Variants in ATXN2 observed in about 807,000 individuals in gnomAD.
ATXN2 encodes the protein ataxin-2.
In ATXN2, 37 loss-of-function variants were observed where a neutral mutation model predicts 138.6. The ratio of observed to expected loss-of-function variants is 0.27; its 90% CI spans 0.21 to 0.35. The LOEUF (loss-of-function observed/expected upper bound fraction) is 0.35, where lower values mean the gene tolerates loss of function less well. Among genes scored for constraint, ATXN2 ranks in the 10% least tolerant of loss-of-function variants. The pLI is 1.00. For missense variants in ATXN2, 1,216 were observed against 1,480.3 expected (o/e 0.82, Z 2.93); for synonymous variants, 549 against 543.7 (o/e 1.01, Z -0.13).
At chr12:111,509,322 G>A (rs1266201531) in intron 14 of ATXN2, among the ~76,000 whole-genome samples, 1 of 152,040 alleles carries the variant, frequency 6.6e-6, no homozygotes, top group Non-Finnish European at 1.5e-5. Flanking sequence ...GGTTTCAAAT[G>A]TCAGGGCTAT....
intron 16 of ATXN2, 47 bp from the exon 17 acceptor site, chr12:111,485,912 C>T: frequency 6.4e-7 from 1 of 1,560,508 alleles, no homozygotes; most frequent in South Asian, 1.2e-5. Context: ...AACAGATGAA[C>T]TATTATTGCA....
At chr12:111,565,847 T>C (rs532791994) in intron 1 of ATXN2, among the ~76,000 whole-genome samples, 1 of 151,994 alleles carries the variant, frequency 6.6e-6, no homozygotes, top group African/African-American at 2.4e-5. Context: ...AATACAAAAA[T>C]TAGCCAGACG....
chr12:111,528,738 AG>A (rs1011976194), intron 5 of ATXN2, among the ~76,000 whole-genome samples: 3 of 152,190 alleles, frequency 2.0e-5, no homozygotes, highest in Non-Finnish European at 4.4e-5. Context: ...ACTTAGGGGA[AG>A]ATGTGCAGAA....
intron 18 of ATXN2, among the ~76,000 whole-genome samples, chr12:111,483,373 A>G (rs1421404245): frequency 6.6e-6 from 1 of 150,910 alleles, no homozygotes; most frequent in Non-Finnish European, 1.5e-5. Flanking sequence ...TAGTTTCTCA[A>G]CTGATAGCAG....
chr12:111,582,270 C>T (rs1293991157), intron 1 of ATXN2, among the ~76,000 whole-genome samples: 2 of 152,010 alleles, frequency 1.3e-5, no homozygotes, highest in Non-Finnish European at 2.9e-5. Context: ...ATGGTAAGAC[C>T]CTGTCACTAC....
chr12:111,516,103 T>C lies in ATXN2; in HGVS notation c.1375+51A>G, dbSNP rs190432649. On this transcript the variant is annotated intron_variant, in intron 10 of 24. Coordinates refer to ENST00000673436, the MANE Select transcript of ATXN2 (RefSeq NM_001372574.1). The surrounding 1 kb of genome is among the most constrained non-coding windows in gnomAD (Gnocchi z 5.0). ...ACTATTTTGTAATTATAAACTCACATAGGAGTTAAACAAAGACAAACAAAA... is the reference window on the plus strand; with the variant it reads ...ACTATTTTGTAATTATAAACTCACACAGGAGTTAAACAAAGACAAACAAAA... 617 of 1,494,410 alleles carry C rather than the reference T, an allele frequency of 4.1e-4. 3 individuals are homozygous for C. Among genetic ancestry groups the C allele is most frequent in the Non-Finnish European group, 4.6e-5 (50 of 1,094,056 alleles). The allele number at this position is 1,494,410 out of a possible 1,614,324, so 92.6% of individuals were successfully genotyped here. A position where few individuals can be genotyped will look rare whatever the true frequency, so the allele number is the denominator to read the frequency against.
intron 5 of ATXN2, among the ~76,000 whole-genome samples, chr12:111,535,816 C>T (rs541716874): frequency 4.3e-4 from 65 of 151,474 alleles, no homozygotes; most frequent in African/African-American, 1.5e-3. Context: ...CCGGCTAAAA[C>T]GGTGAAACCC....
intron 5 of ATXN2, among the ~76,000 whole-genome samples, chr12:111,535,288 A>G (rs1435022494): frequency 6.6e-6 from 1 of 152,212 alleles, no homozygotes; most frequent in Non-Finnish European, 1.5e-5. Flanking sequence ...AACTCTAGTT[A>G]GTAAGGTAGA....
In ATXN2 at chr12:111,485,770, C is replaced by A; in HGVS notation, c.2400G>T (p.Gln800His). ...GHQQPTPVYT[Q>H]PVCFAPNMMY... is the part of the protein sequence containing the mutation. ...TCATATTTGGTGCAAAACAAACAGG[C>A]TGAGTATAAACTGGAGTTGGCTGTT... is the stretch of plus-strand genomic sequence containing the variant. Residue 800 changes from glutamine (Q) to histidine (H), a missense_variant, in exon 17 of 25, where the codon CAG (glutamine) becomes CAT (histidine). Around this residue, in one of 4 missense-constraint regions of ATXN2, gnomAD observed 490 missense variants for 653.5 expected, o/e 0.75. Coordinates refer to ENST00000673436, the MANE Select transcript of ATXN2 (RefSeq NM_001372574.1). 1 of 1,614,084 alleles carries A rather than the reference C, an allele frequency of 6.2e-7. No individual in the cohort carries two copies. The highest frequency in any genetic ancestry group is 1.1e-5 in the South Asian group (1 of 91,072).
At chr12:111,538,003 G>A (rs1178396826) in intron 5 of ATXN2, among the ~76,000 whole-genome samples, 1 of 151,872 alleles carries the variant, frequency 6.6e-6, no homozygotes, top group Non-Finnish European at 1.5e-5. Flanking sequence ...AGGAGGCTAA[G>A]GTGAATCACC....
Position 111,599,076 on chromosome 12 carries a change from A to C in ATXN2, c.-42T>G. On this transcript the variant is annotated 5_prime_UTR_variant, in exon 1 of 25. Transcript: ENST00000673436. Reference sequence around the variant, plus strand: ...ACCGGCTCGCACGCCGGGCGGGGACAGCCGGGAGCCGGGCGCGCCAAGGAG... The same window carrying C: ...ACCGGCTCGCACGCCGGGCGGGGACCGCCGGGAGCCGGGCGCGCCAAGGAG... 3 of 1,383,682 alleles carry C rather than the reference A, an allele frequency of 2.2e-6. No homozygotes were observed. Among genetic ancestry groups the C allele is most frequent in the Non-Finnish European group, 2.8e-6 (3 of 1,067,836 alleles). The allele number at this position is 1,383,682 out of a possible 1,614,324, so 85.7% of individuals were successfully genotyped here. A position where few individuals can be genotyped will look rare whatever the true frequency, so the allele number is the denominator to read the frequency against.
intron 6 of ATXN2, among the ~76,000 whole-genome samples, chr12:111,521,896 A>C (rs563727062): frequency 6.6e-6 from 1 of 152,322 alleles, no homozygotes; most frequent in Admixed American, 6.5e-5. Flanking sequence ...AGGCTGGAAG[A>C]CTATTTACCA....
chr12:111,573,059 A>T (rs1883428165), intron 1 of ATXN2, among the ~76,000 whole-genome samples: 1 of 152,092 alleles, frequency 6.6e-6, no homozygotes, highest in Admixed American at 6.6e-5. Flanking sequence ...AAAAAAAAAA[A>T]TTATAAACAA....
intron 15 of ATXN2, among the ~76,000 whole-genome samples, chr12:111,487,083 CT>C (rs927171584): frequency 7.9e-4 from 116 of 147,422 alleles, no homozygotes; most frequent in Admixed American, 2.2e-3. Context: ...TCAAAAAATA[CT>C]TTTTTTTTTT....
chr12:111,484,897 A>AT lies in ATXN2; in HGVS notation c.2524+367dup, dbSNP rs562474083. Among the ~76,000 whole-genome samples, 777 of 152,070 alleles carry AT rather than the reference A, an allele frequency of 5.1e-3. 9 individuals carry two copies. Among genetic ancestry groups the AT allele is most frequent in the African/African-American group, 0.018 (740 of 41,482 alleles). ...AGGCATATGCCACCATGCCCAGCTA[A>AT]TTTTTTTGAATTTTAGTAGAGACAA... On this transcript the variant is annotated intron_variant, in intron 18 of 24. Coordinates refer to ENST00000673436, the MANE Select transcript of ATXN2 (RefSeq NM_001372574.1).
intron 1 of ATXN2, among the ~76,000 whole-genome samples, chr12:111,594,823 A>G (rs1884852233): frequency 6.6e-6 from 1 of 152,208 alleles, no homozygotes; most frequent in Admixed American, 6.5e-5. Flanking sequence ...GTTAACAACA[A>G]CAACAAAGCT....
At position 111,471,040 on chromosome 12, in the gene ATXN2, C is replaced by G; in HGVS notation, c.2525-298G>C. The G allele has an allele frequency of 1.2e-5, 4 of 335,778 alleles. No individual in the cohort carries two copies. In the South Asian group the frequency reaches 1.9e-4, roughly 16 times the overall value. 20.8% of individuals were successfully genotyped at this position (335,778 alleles called of 1,614,324 possible). ...TCATGGCCCTCAGACTTGATCAAGTCCCTGTAACAGACTCTCACAGCATTA... is the reference window on the plus strand; with the variant it reads ...TCATGGCCCTCAGACTTGATCAAGTGCCTGTAACAGACTCTCACAGCATTA... On this transcript the variant is annotated intron_variant, in intron 18 of 24. Transcript: ENST00000673436.
At chr12:111,457,467 A>C (rs2135650942) in intron 21 of ATXN2, 108 bp from the exon 22 acceptor site, 19 of 1,262,618 alleles carry the variant, frequency 1.5e-5, no homozygotes, top group East Asian at 4.9e-5. Context: ...TGCATAACTC[A>C]CGCCACTACC....
chr12:111,522,228 T>TAAAAAAAAAA (rs35035921), intron 6 of ATXN2, among the ~76,000 whole-genome samples: 1 of 108,138 alleles, frequency 9.2e-6, no homozygotes, highest in Non-Finnish European at 2.3e-5. Flanking sequence ...ATGCCCTACA[T>TAAAAAAAAAA]AAAAAAAAAA....
Sources: gnomAD v4.1 joint callset for allele counts (sites outside exome capture counted in the v4.1 genomes callset) on GRCh38, gnomAD v4.1.1 for gene constraint, gnomAD v4.1.1 regional missense constraint, Gnocchi (gnomAD v3.1) non-coding constraint, MANE v1.5 for transcripts, NCBI Gene and HGNC (gene_info 2026-07-23, HGNC 2026-07-21) for gene names.